Variants in RRM1 observed in about 807,000 individuals in gnomAD.
RRM1 encodes the protein ribonucleotide reductase catalytic subunit M1.
A neutral mutation model predicts 101.5 loss-of-function variants in RRM1; 19 were observed. The observed-to-expected ratio is 0.19, with a 90% CI of 0.13 to 0.27. RRM1 has a LOEUF of 0.27. RRM1 is among the 10% of genes least tolerant of loss of function. RRM1 has a pLI of 1.00. For missense variants in RRM1, 500 were observed against 962.9 expected, an observed-to-expected ratio of 0.52 and a Z score of 6.36; for synonymous variants, 298 against 323.4, an observed-to-expected ratio of 0.92 and a Z score of 0.84.
chr11:4,096,662 A>C (rs978185633), intron 1 of RRM1, among the ~76,000 whole-genome samples: 1 of 151,852 alleles, frequency 6.6e-6, no homozygotes, highest in East Asian at 1.9e-4. Context: ...ATTTTTTTAC[A>C]TTATTATTTA....
At position 4,122,243 on chromosome 11, in the gene RRM1, A is replaced by G. The variant is rs528356180; in HGVS notation, c.1118+23A>G. On this transcript the variant is annotated intron_variant, in intron 11 of 18. Transcript: ENST00000300738. ...AAGGTATGGGAAAAATATGAAAGAAAACAATAATGTTTTAATCATGGTTTC... is the reference window on the plus strand; with the variant it reads ...AAGGTATGGGAAAAATATGAAAGAAGACAATAATGTTTTAATCATGGTTTC... 1.4e-4 allele frequency: 207 copies of G among 1,493,556 alleles called. 2 individuals are homozygous for G. In the South Asian group the frequency reaches 2.3e-3, roughly 16 times the overall value. The allele number at this position is 1,493,556 out of a possible 1,614,324, so 92.5% of individuals were successfully genotyped here.
Position 4,138,389 on chromosome 11 carries a change from G to A in RRM1, c.*6G>A, listed in dbSNP as rs1431843967. 7 of 1,592,596 alleles carry A rather than the reference G, an allele frequency of 4.4e-6. No individual in the cohort carries two copies. In the African/African-American group the frequency reaches 6.8e-5, roughly 15 times the overall value. ...GTCTGATGTGTGGATCCTGAGGAAA[G>A]ACTTGGAAGAGACCAGCATGTCTTC... On this transcript the variant is annotated 3_prime_UTR_variant, in exon 19 of 19. Transcript: ENST00000300738.
intron 5 of RRM1, 133 bp downstream of exon 5, chr11:4,109,836 G>T: frequency 1.6e-6 from 1 of 614,218 alleles, no homozygotes; most frequent in Non-Finnish European, 2.7e-6. Context: ...AATTAGTGGG[G>T]TTAAGGTAGC....
At chr11:4,126,897 G>A (rs993804458) in intron 13 of RRM1, 64 bp downstream of exon 13, 7 of 1,469,692 alleles carry the variant, frequency 4.8e-6, no homozygotes, top group Non-Finnish European at 6.5e-6. Flanking sequence ...AATCAATCAT[G>A]ATCTTCAAGT....
intron 1 of RRM1, 68 bp from the exon 2 acceptor site, chr11:4,101,925 T>C: frequency 1.2e-6 from 1 of 834,844 alleles, no homozygotes; most frequent in Non-Finnish European, 2.0e-6. Flanking sequence ...CATTTGATTC[T>C]TTGACATTGT....
chr11:4,096,961 T>G (rs566766263), intron 1 of RRM1, among the ~76,000 whole-genome samples: 4 of 147,100 alleles, frequency 2.7e-5, no homozygotes, highest in African/African-American at 1.1e-4. Flanking sequence ...AGAGTCTACT[T>G]CTAAATACTT....
intron 16 of RRM1, among the ~76,000 whole-genome samples, chr11:4,133,313 A>T (rs115484896): frequency 1.1e-3 from 174 of 152,224 alleles, no homozygotes; most frequent in African/African-American, 3.9e-3. Context: ...AGTAGCTGGG[A>T]TTACAGGCAT....
intron 1 of RRM1, among the ~76,000 whole-genome samples, chr11:4,096,209 G>A (rs1314723668): frequency 1.3e-5 from 2 of 152,102 alleles, no homozygotes; most frequent in Non-Finnish European, 2.9e-5. Context: ...AAAATTTCTG[G>A]TAGTAAAGGA....
intron 17 of RRM1, among the ~76,000 whole-genome samples, 198 bp downstream of exon 17, chr11:4,133,856 A>C (rs532317706): frequency 1.6e-4 from 25 of 152,294 alleles, no homozygotes; most frequent in African/African-American, 5.8e-4. Flanking sequence ...TTTTTATGCA[A>C]TAATATAAAA....
intron 9 of RRM1, among the ~76,000 whole-genome samples, chr11:4,120,945 G>A (rs2094580866): frequency 6.6e-6 from 1 of 152,184 alleles, no homozygotes; most frequent in Admixed American, 6.5e-5. Context: ...CTTGAGCCCG[G>A]TAGGCAGGAG....
chr11:4,113,711 T>C (rs538399952), intron 7 of RRM1, among the ~76,000 whole-genome samples: 230 of 152,374 alleles, frequency 1.5e-3, no homozygotes, highest in Middle Eastern at 0.014. Flanking sequence ...TGGCATGGCC[T>C]GTTGCTGCTC....
intron 7 of RRM1, among the ~76,000 whole-genome samples, chr11:4,113,705 A>C (rs1313181773): frequency 2.6e-5 from 4 of 152,256 alleles, no homozygotes; most frequent in Admixed American, 1.3e-4. Context: ...GATATATGGC[A>C]TGGCCTGTTG....
chr11:4,101,193 G>A (rs2094550403), intron 1 of RRM1, among the ~76,000 whole-genome samples: 1 of 152,170 alleles, frequency 6.6e-6, no homozygotes, highest in South Asian at 2.1e-4. Context: ...TTGAGCAAAA[G>A]ACCTAAAGGA....
chr11:4,136,877 A>G (rs2133327913), intron 18 of RRM1, among the ~76,000 whole-genome samples: 1 of 151,948 alleles, frequency 6.6e-6, no homozygotes, highest in Admixed American at 6.5e-5. Context: ...TAAACAAGTG[A>G]ACAAAGGTCT....
intron 11 of RRM1, 101 bp from the exon 12 acceptor site, chr11:4,123,082 T>C: frequency 1.1e-6 from 1 of 897,036 alleles, no homozygotes; most frequent in Non-Finnish European, 1.7e-6. Flanking sequence ...TTAGAGAAAA[T>C]TTAAGAGTTT....
chr11:4,128,159 C>T (rs886533918), intron 14 of RRM1, among the ~76,000 whole-genome samples: 6 of 146,766 alleles, frequency 4.1e-5, no homozygotes, highest in Non-Finnish European at 5.9e-5. Context: ...CCCCCTGTCC[C>T]GCTTTTTTTT....
At chr11:4,098,873 G>C (rs2094547060) in intron 1 of RRM1, among the ~76,000 whole-genome samples, 1 of 152,214 alleles carries the variant, frequency 6.6e-6, no homozygotes, top group Non-Finnish European at 1.5e-5. Flanking sequence ...TGATAAAGAT[G>C]AATGAGAAAA....
intron 5 of RRM1, among the ~76,000 whole-genome samples, chr11:4,111,085 G>A (rs188178114): frequency 3.3e-4 from 50 of 152,166 alleles, no homozygotes; most frequent in Admixed American, 1.6e-3. Flanking sequence ...AAAAGTGCCA[G>A]TGAGGAGGCT....
Position 4,094,983 on chromosome 11 carries a change from G to C in RRM1, c.-30G>C. 1 of 1,557,434 alleles carries C rather than the reference G, an allele frequency of 6.4e-7. No homozygotes were observed. Among genetic ancestry groups the C allele is most frequent in the Non-Finnish European group, 8.7e-7 (1 of 1,150,454 alleles). On this transcript the variant is annotated 5_prime_UTR_variant, in exon 1 of 19. Coordinates refer to ENST00000300738, the MANE Select transcript of RRM1 (RefSeq NM_001033.5). ...GCTTTAGAGCCGCAGTCCAGTCTTG[G>C]ATCCTTCAGAGCCTCAGCCACTAGC...
Sources: allele counts gnomAD v4.1 joint callset (sites outside exome capture counted in the v4.1 genomes callset), GRCh38; gene constraint gnomAD v4.1.1; transcripts MANE v1.5; gene names NCBI Gene and HGNC (gene_info 2026-07-23, HGNC 2026-07-21).